The following RIMS2 variants were observed in gnomAD, a reference collection of about 807,000 sequenced individuals.
The protein encoded by RIMS2 is regulating synaptic membrane exocytosis 2, also known as regulating synaptic membrane exocytosis protein 2.
Under a neutral mutation model 174.4 loss-of-function variants are expected in RIMS2, and 59 were observed. That is an observed-to-expected ratio of 0.34 (90% CI 0.27 to 0.42). RIMS2 has a LOEUF of 0.42. RIMS2 is among the 10% of genes least tolerant of loss of function. RIMS2 has a pLI of 1.00. For synonymous variants in RIMS2, 606 were observed against 572.5 expected (o/e 1.06, Z -0.84); for missense variants, 1,620 against 1,666.3 (o/e 0.97, Z 0.48).
At chr8:103,747,905 G>C (rs1395275086) in intron 2 of RIMS2, among the ~76,000 whole-genome samples, 1 of 152,138 alleles carries the variant, frequency 6.6e-6, no homozygotes, top group African/African-American at 2.4e-5. Flanking sequence ...TGCTGTGGTA[G>C]TGTTGTGATA....
intron 1 of RIMS2, among the ~76,000 whole-genome samples, chr8:103,539,829 C>A (rs1841700539): frequency 6.6e-6 from 1 of 152,258 alleles, no homozygotes; most frequent in African/African-American, 2.4e-5. Flanking sequence ...GACTCAGGCT[C>A]TGTGGCTGCA....
At chr8:104,201,080 A>G (rs1563719769) in intron 19 of RIMS2, among the ~76,000 whole-genome samples, 1 of 152,152 alleles carries the variant, frequency 6.6e-6, no homozygotes, top group Non-Finnish European at 1.5e-5. Context: ...CATTACCCAG[A>G]TAGTGAGCAC....
chr8:103,511,663 G>T (rs984901888), intron 1 of RIMS2, among the ~76,000 whole-genome samples: 3 of 152,118 alleles, frequency 2.0e-5, no homozygotes, highest in Non-Finnish European at 4.4e-5. Flanking sequence ...AGTAGAAAAA[G>T]AAAGTAATCC....
chr8:103,715,723 C>T (rs2097360256), intron 2 of RIMS2, among the ~76,000 whole-genome samples: 1 of 152,020 alleles, frequency 6.6e-6, no homozygotes, highest in Non-Finnish European at 1.5e-5. Context: ...CCCCAAATTA[C>T]CAGTGGTAAT....
chr8:103,995,233 T>C (rs1045257891), intron 17 of RIMS2, among the ~76,000 whole-genome samples: 3 of 152,110 alleles, frequency 2.0e-5, no homozygotes, highest in Non-Finnish European at 1.5e-5. Context: ...ATCCAAAATA[T>C]ATTTGAGTGG....
chr8:104,220,695 T>C (rs1426805564), intron 19 of RIMS2, among the ~76,000 whole-genome samples: 1 of 152,098 alleles, frequency 6.6e-6, no homozygotes, highest in Non-Finnish European at 1.5e-5. Context: ...CCTTGCAGGC[T>C]TAATTAAGCC....
Position 103,791,484 on chromosome 8 carries a change from C to G in RIMS2, c.698+24947C>G, listed in dbSNP as rs1037587427. 5.9e-5 allele frequency among the ~76,000 whole-genome samples: 9 copies of G among 152,252 alleles called. No individual in the cohort carries two copies. The East Asian group carries it at 1.7e-3, about 29-fold the overall frequency. Reference sequence around the variant, plus strand: ...CAAAAACATGCCAAATTGTAAAGACCGTCGATGCTAGGAAGAAACTGCATC... The same window carrying G: ...CAAAAACATGCCAAATTGTAAAGACGGTCGATGCTAGGAAGAAACTGCATC... On this transcript the variant is annotated intron_variant, in intron 3 of 23. Coordinates refer to ENST00000504942, the Ensembl canonical transcript of RIMS2.
chr8:103,733,007 T>C (rs1355915403), intron 2 of RIMS2, among the ~76,000 whole-genome samples: 1 of 152,102 alleles, frequency 6.6e-6, no homozygotes, highest in Non-Finnish European at 1.5e-5. Flanking sequence ...CAGGAGTCTA[T>C]TAACCACCAT....
At chr8:104,101,356 T>G (rs1035216195) in intron 19 of RIMS2, among the ~76,000 whole-genome samples, 1 of 151,964 alleles carries the variant, frequency 6.6e-6, no homozygotes, top group African/African-American at 2.4e-5. Context: ...CTCAAACTCC[T>G]GACTTCAAGT....
At chr8:103,951,367 C>T (rs375339704) in intron 14 of RIMS2, among the ~76,000 whole-genome samples, 20 of 152,174 alleles carry the variant, frequency 1.3e-4, no homozygotes, top group African/African-American at 3.1e-4. Context: ...CCAGCGAGAT[C>T]GACGCAGAAG....
Position 103,763,527 on chromosome 8 carries a change from G to A in RIMS2, c.388-2700G>A, listed in dbSNP as rs546676704. Among the ~76,000 whole-genome samples the A allele has an allele frequency of 8.6e-4, 131 of 151,900 alleles. 1 individual carries two copies. The highest frequency in any genetic ancestry group is 1.4e-3 in the Non-Finnish European group (96 of 67,920). ...CGAGGAATATAGGATAAGGGAAGGA[G>A]GGATACGGAATAAGGGAGGGAAGAA... is the stretch of plus-strand genomic sequence containing the variant. On this transcript the variant is annotated intron_variant, in intron 2 of 23. Transcript: ENST00000504942.
intron 1 of RIMS2, among the ~76,000 whole-genome samples, chr8:103,518,475 G>A (rs34668912): frequency 0.12 from 17,596 of 152,042 alleles, 1,337 homozygotes; most frequent in Non-Finnish European, 0.17. Flanking sequence ...GGTTGGACAA[G>A]CTTGCTGTAA....
chr8:103,557,928 G>T (rs2090803853), intron 1 of RIMS2, among the ~76,000 whole-genome samples: 1 of 152,172 alleles, frequency 6.6e-6, no homozygotes, highest in African/African-American at 2.4e-5. Flanking sequence ...GCAACCTTGA[G>T]CAAGTTACAT....
chr8:103,752,150 G>T (rs553782294), intron 2 of RIMS2, among the ~76,000 whole-genome samples: 8 of 152,146 alleles, frequency 5.3e-5, no homozygotes, highest in Non-Finnish European at 1.0e-4. Flanking sequence ...AAGGGATCCA[G>T]TTTCAGCTTT....
At chr8:103,583,721 A>T (rs1481921516) in intron 1 of RIMS2, among the ~76,000 whole-genome samples, 1 of 152,194 alleles carries the variant, frequency 6.6e-6, no homozygotes, top group Non-Finnish European at 1.5e-5. Flanking sequence ...GTCAGAGGGG[A>T]CAAAATAGAA....
chr8:103,994,516 A>G (rs1255798787), intron 17 of RIMS2, among the ~76,000 whole-genome samples: 2 of 152,208 alleles, frequency 1.3e-5, no homozygotes, highest in Admixed American at 6.5e-5. Flanking sequence ...TTAAGACACT[A>G]TGCATACTTA....
chr8:104,104,752 C>T lies in RIMS2; in HGVS notation c.3334+90137C>T, dbSNP rs574559570. 2.5e-4 allele frequency among the ~76,000 whole-genome samples: 37 copies of T among 149,648 alleles called. 1 individual carries two copies. The highest frequency in any genetic ancestry group is 1.2e-4 in the Non-Finnish European group (8 of 67,954). The stretch of plus-strand genomic sequence containing the variant: ...CAAAAATTAGCCAGGCACAGTGGTG[C>T]ACACCTGTGGTCTGCTACTTGGGAG... On this transcript the variant is annotated intron_variant, in intron 19 of 23. Transcript: ENST00000504942.
At chr8:104,149,402 G>A (rs573882267) in intron 19 of RIMS2, among the ~76,000 whole-genome samples, 3 of 152,178 alleles carry the variant, frequency 2.0e-5, no homozygotes, top group Non-Finnish European at 4.4e-5. Flanking sequence ...CAGCAGGGAT[G>A]GAGGAATTTT....
At chr8:103,937,708 C>G (rs1031983780) in intron 13 of RIMS2, among the ~76,000 whole-genome samples, 3 of 152,074 alleles carry the variant, frequency 2.0e-5, no homozygotes, top group Admixed American at 6.6e-5. Flanking sequence ...AAGAAGGCAT[C>G]AGGGTGAGGA....
Sources: gnomAD v4.1 joint callset for allele counts (sites outside exome capture counted in the v4.1 genomes callset) on GRCh38, gnomAD v4.1.1 for gene constraint, MANE v1.5 for transcripts, NCBI Gene and HGNC (gene_info 2026-07-23, HGNC 2026-07-21) for gene names.